CLRN1: variants seen among roughly 807,000 people sequenced by gnomAD.
CLRN1 encodes clarin-1.
CLRN1 carries 15 observed loss-of-function variants against 18.7 expected under a neutral mutation model. That is an observed-to-expected ratio of 0.80 (90% CI 0.54 to 1.23). CLRN1 has a LOEUF of 1.23. Ranked by LOEUF, CLRN1 falls within the 50% of genes most tolerant of loss-of-function variation. The pLI, the probability that CLRN1 is intolerant of heterozygous loss-of-function variation, is 0.00. For missense variants in CLRN1, 311 were observed against 277.5 expected, an observed-to-expected ratio of 1.12 and a Z score of -0.86; for synonymous variants, 104 against 102.9, an observed-to-expected ratio of 1.01 and a Z score of -0.07.
intron 1 of CLRN1, among the ~76,000 whole-genome samples, chr3:150,971,726 C>T (rs992020033): frequency 1.3e-5 from 2 of 152,196 alleles, no homozygotes; most frequent in Admixed American, 6.5e-5. Flanking sequence ...AATGAGTTGC[C>T]TATTCACATG....
At chr3:150,964,505 G>A (rs976812386) in intron 1 of CLRN1, among the ~76,000 whole-genome samples, 5 of 152,152 alleles carry the variant, frequency 3.3e-5, no homozygotes, top group Non-Finnish European at 7.4e-5. Flanking sequence ...GGCAATTCCT[G>A]AAGGACCTAG....
At chr3:150,969,314 T>TATATATATATATATATA (rs1491446852) in intron 1 of CLRN1, among the ~76,000 whole-genome samples, 8 of 35,876 alleles carry the variant, frequency 2.2e-4, no homozygotes, top group South Asian at 1.4e-3. Flanking sequence ...TATATATATA[T>TATATATATATATATATA]TTTTTTTTTT....
intron 1 of CLRN1, among the ~76,000 whole-genome samples, chr3:150,948,456 C>A (rs1242112263): frequency 8.3e-6 from 1 of 120,758 alleles, no homozygotes; most frequent in South Asian, 2.8e-4. Flanking sequence ...TGCACTCCAG[C>A]CTGGGCGACA....
intron 2 of CLRN1, among the ~76,000 whole-genome samples, chr3:150,931,778 A>G (rs924825050): frequency 1.3e-5 from 2 of 152,102 alleles, no homozygotes; most frequent in Admixed American, 6.5e-5. Flanking sequence ...TTTCCCAGTT[A>G]TCCATGTACA....
At chr3:150,955,908 A>G (rs1714714836) in intron 1 of CLRN1, among the ~76,000 whole-genome samples, 1 of 152,210 alleles carries the variant, frequency 6.6e-6, no homozygotes, top group Non-Finnish European at 1.5e-5. Flanking sequence ...CAATATAAAA[A>G]GCAAAATTTT....
chr3:150,969,144 A>G (rs999565282), intron 1 of CLRN1, among the ~76,000 whole-genome samples: 3 of 151,146 alleles, frequency 2.0e-5, no homozygotes, highest in South Asian at 4.1e-4. Context: ...ATCTCAATAA[A>G]TTTTTAATTA....
At chr3:150,928,421 G>T (rs1712950354) in intron 2 of CLRN1, among the ~76,000 whole-genome samples, 1 of 152,190 alleles carries the variant, frequency 6.6e-6, no homozygotes, top group African/African-American at 2.4e-5. Flanking sequence ...AGATTTGTGT[G>T]TGCGTGTAGG....
At chr3:150,945,803 C>T (rs1168261047) in intron 1 of CLRN1, 2 of 446,218 alleles carry the variant, frequency 4.5e-6, no homozygotes, top group African/African-American at 4.1e-5. Context: ...AATGGGGACC[C>T]TTGTGCATTT....
intron 2 of CLRN1, among the ~76,000 whole-genome samples, chr3:150,937,366 C>T (rs559045106): frequency 7.9e-5 from 12 of 152,122 alleles, no homozygotes; most frequent in East Asian, 3.9e-4. Flanking sequence ...TTGACAAATA[C>T]GTGAAATATA....
rs949583462 is a variant in CLRN1 at position 150,927,493 on chromosome 3, A to C, written c.*443T>G. On this transcript the variant is annotated 3_prime_UTR_variant, in exon 3 of 3. Transcript: ENST00000327047. ...CATTTTATAGATGTTCATTTAATAC[A>C]CTACTGTTTTAGGAAAGCGATTGCA... The C allele has an allele frequency of 2.2e-6, 1 of 453,652 alleles. No homozygotes were observed. Among genetic ancestry groups the C allele is most frequent in the Non-Finnish European group, 4.4e-6 (1 of 226,832 alleles). 28.1% of individuals were successfully genotyped at this position (453,652 alleles called of 1,614,324 possible).
chr3:150,972,523 C>T lies in CLRN1; in HGVS notation c.186G>A (p.Gln62=), dbSNP rs2107996857. 1 of 1,614,244 alleles carries T rather than the reference C, an allele frequency of 6.2e-7. No individual in the cohort carries two copies. Among genetic ancestry groups the T allele is most frequent in the Admixed American group, 1.7e-5 (1 of 60,028 alleles). Residue 62 remains glutamine (Q), a synonymous_variant, in exon 1 of 3, where the codon CAG becomes CAA. Transcript: ENST00000327047. ...CACCCTCTCCGTGGAAAAGCCCGTA[C>T]TGCATTTCACCCATAAACTTGTCCA... ...QELDKFMGEM[Q]YGLFHGEGVR... is the part of the protein sequence containing the mutation.
At chr3:150,946,573 T>C (rs1714182147) in intron 1 of CLRN1, among the ~76,000 whole-genome samples, 1 of 151,864 alleles carries the variant, frequency 6.6e-6, no homozygotes, top group African/African-American at 2.4e-5. Context: ...TTTTAATAAT[T>C]GGAAGGATAA....
At chr3:150,943,909 C>T (rs1203832702) in intron 1 of CLRN1, 2 of 1,612,914 alleles carry the variant, frequency 1.2e-6, no homozygotes, top group Admixed American at 3.3e-5. Context: ...TCGTGTGCTC[C>T]CTCCTGCAAG....
chr3:150,963,216 T>G (rs1576645227), intron 1 of CLRN1, among the ~76,000 whole-genome samples: 1 of 152,160 alleles, frequency 6.6e-6, no homozygotes, highest in Non-Finnish European at 1.5e-5. Context: ...TTCGGCAAAG[T>G]CTCAGGATAC....
intron 1 of CLRN1, among the ~76,000 whole-genome samples, chr3:150,949,976 T>C (rs1714398588): frequency 6.6e-6 from 1 of 151,868 alleles, no homozygotes; most frequent in African/African-American, 2.4e-5. Context: ...ATAGACCAAA[T>C]GAACAGGATA....
Position 150,940,473 on chromosome 3 carries a change from G to A in CLRN1, c.433+1109C>T. 3 of 1,534,884 alleles carry A rather than the reference G, an allele frequency of 2.0e-6. No individual in the cohort carries two copies. The South Asian group carries it at 3.6e-5, about 18-fold the overall frequency. On this transcript the variant is annotated intron_variant, in intron 2 of 2. Coordinates refer to ENST00000327047, the MANE Select transcript of CLRN1 (RefSeq NM_174878.3). ...GAGAAGGGAGTAGTGTCAAGAGCAA[G>A]AAAGTACCTTGAGCCTGGTGCCTGG... is the stretch of plus-strand genomic sequence containing the variant.
chr3:150,945,271 G>A (rs922097941), intron 1 of CLRN1, among the ~76,000 whole-genome samples: 1 of 152,214 alleles, frequency 6.6e-6, no homozygotes, highest in Non-Finnish European at 1.5e-5. Flanking sequence ...CAGAAGAGGA[G>A]AAAACCCAAC....
At position 150,927,969 on chromosome 3, in the gene CLRN1, T is replaced by G; in HGVS notation, c.666A>C (p.Glu222Asp). 1 of 1,614,218 alleles carries G rather than the reference T, an allele frequency of 6.2e-7. No homozygotes were observed. Among genetic ancestry groups the G allele is most frequent in the Non-Finnish European group, 8.5e-7 (1 of 1,180,034 alleles). The change falls in exon 3 of 3, where the codon GAA (glutamate) becomes GAC (aspartate). Residue 222 changes from glutamate to aspartate, a missense_variant. Physicochemically the swap from Glu to Asp is conservative, Grantham distance 45. Transcript: ENST00000327047. ...TTAGATCTGCAGCTACATTAGTTGT[T>G]TCTGCGTCTTTAGATTTTGCAAAAG... ...QFPFAKSKDA[E>D]TTNVAADLMY
chr3:150,941,477 G>T (rs1442811145), intron 2 of CLRN1, 105 bp downstream of exon 2: 4 of 1,117,882 alleles, frequency 3.6e-6, no homozygotes, highest in African/African-American at 1.6e-5. Context: ...ACTACAGTGT[G>T]CATCCATGTA....
Sources: allele counts gnomAD v4.1 joint callset (sites outside exome capture counted in the v4.1 genomes callset), GRCh38; gene constraint gnomAD v4.1.1; transcripts MANE v1.5; gene names NCBI Gene and HGNC (gene_info 2026-07-23, HGNC 2026-07-21).